MAPRE2: variants seen among roughly 807,000 people sequenced by gnomAD.
MAPRE2 encodes the protein microtubule associated protein RP/EB family member 2, also known as microtubule-associated protein RP/EB family member 2.
A neutral mutation model predicts 43.2 loss-of-function variants in MAPRE2; 13 were observed. The observed-to-expected ratio is 0.30, with a 90% CI of 0.20 to 0.48. The LOEUF is 0.48. Among genes scored for constraint, MAPRE2 ranks in the 20% least tolerant of loss-of-function variants. MAPRE2 has a pLI of 0.99. For missense variants in MAPRE2, 161 were observed against 400.2 expected (o/e 0.40, Z 5.10); for synonymous variants, 135 against 148.8 (o/e 0.91, Z 0.68).
intron 6 of MAPRE2, among the ~76,000 whole-genome samples, chr18:35,136,634 C>T (rs1910403349): frequency 6.6e-6 from 1 of 152,170 alleles, no homozygotes. Context: ...ATGAGCAAAG[C>T]AGAGAAGAAA....
intron 1 of MAPRE2, among the ~76,000 whole-genome samples, chr18:34,997,501 C>T (rs2036205580): frequency 6.6e-6 from 1 of 152,158 alleles, no homozygotes; most frequent in African/African-American, 2.4e-5. Flanking sequence ...CAGAGTGAAC[C>T]TCTAGAAGAA....
intron 2 of MAPRE2, among the ~76,000 whole-genome samples, chr18:35,092,365 G>C (rs768189447): frequency 2.0e-5 from 3 of 152,198 alleles, no homozygotes; most frequent in Non-Finnish European, 4.4e-5. Flanking sequence ...CATAGGGAAA[G>C]GACAGTCTCT....
At chr18:35,136,041 G>A (rs1910378465) in intron 6 of MAPRE2, among the ~76,000 whole-genome samples, 3 of 152,212 alleles carry the variant, frequency 2.0e-5, no homozygotes, top group African/African-American at 7.2e-5. Flanking sequence ...GCCTCTGATT[G>A]TTATATTTAA....
At chr18:35,094,708 T>C (rs963847543) in intron 2 of MAPRE2, among the ~76,000 whole-genome samples, 3 of 152,150 alleles carry the variant, frequency 2.0e-5, no homozygotes, top group African/African-American at 7.2e-5. Flanking sequence ...GCTCAGAAGA[T>C]GGACAGGAAC....
chr18:35,018,735 G>T (rs532782903), intron 2 of MAPRE2, among the ~76,000 whole-genome samples: 4 of 151,778 alleles, frequency 2.6e-5, no homozygotes, highest in African/African-American at 9.6e-5. Context: ...AATATAGCTA[G>T]CAGCTATTGA....
chr18:35,117,927 C>T (rs976316914), intron 4 of MAPRE2, among the ~76,000 whole-genome samples: 3 of 152,110 alleles, frequency 2.0e-5, no homozygotes, highest in African/African-American at 2.4e-5. Context: ...AGATGCAGAA[C>T]GCTTTCCTGC....
In MAPRE2 at chr18:34,980,117, C is replaced by A. The variant is rs931379649; in HGVS notation, c.-70+3038C>A. ...TTTCGGCTCACTGCAACCTCCGCCT[C>A]CAAGTTCAAGCGATTCTCCTGCCTC... On this transcript the variant is annotated intron_variant, in intron 1 of 7. Coordinates refer to the MAPRE2 transcript ENST00000413393. Among the ~76,000 whole-genome samples, 6 of 148,462 alleles carry A rather than the reference C, an allele frequency of 4.0e-5. No homozygotes were observed. The Admixed American group carries it at 4.1e-4, about 10-fold the overall frequency.
chr18:35,061,244 C>T (rs993505502), intron 1 of MAPRE2, among the ~76,000 whole-genome samples: 1 of 152,216 alleles, frequency 6.6e-6, no homozygotes, highest in African/African-American at 2.4e-5. Flanking sequence ...CCTGATAAAA[C>T]TCACATTTAT....
At chr18:35,107,645 G>A (rs1479909188) in intron 4 of MAPRE2, among the ~76,000 whole-genome samples, 4 of 152,040 alleles carry the variant, frequency 2.6e-5, no homozygotes, top group Non-Finnish European at 2.9e-5. Context: ...TTTGGTCAGC[G>A]GACCACATGC....
chr18:35,001,387 G>C (rs953405328), intron 1 of MAPRE2, among the ~76,000 whole-genome samples: 20 of 152,110 alleles, frequency 1.3e-4, no homozygotes, highest in Non-Finnish European at 2.9e-5. Context: ...GGTGGCACAT[G>C]CCTGTAATCC....
At chr18:35,085,563 C>T (rs1303922206) in intron 2 of MAPRE2, among the ~76,000 whole-genome samples, 1 of 152,132 alleles carries the variant, frequency 6.6e-6, no homozygotes, top group Non-Finnish European at 1.5e-5. Flanking sequence ...AATATTCCAC[C>T]AGAGGCAGCA....
intron 1 of MAPRE2, among the ~76,000 whole-genome samples, chr18:34,983,544 A>T (rs1195555006): frequency 6.6e-6 from 1 of 152,214 alleles, no homozygotes; most frequent in African/African-American, 2.4e-5. Context: ...GAAACTTTTT[A>T]TTCACTGTCA....
At chr18:35,095,150 A>G (rs985087498) in intron 2 of MAPRE2, among the ~76,000 whole-genome samples, 3 of 152,180 alleles carry the variant, frequency 2.0e-5, no homozygotes, top group African/African-American at 7.2e-5. Flanking sequence ...TGAGACCATA[A>G]AAGTACTTGA....
At position 35,041,510 on chromosome 18, in the gene MAPRE2, C is replaced by A. The variant is rs750723519; in HGVS notation, c.-30C>A. On this transcript the variant is annotated 5_prime_UTR_variant, in exon 1 of 7. Transcript: ENST00000300249. ...ACCTTCCTCACCAGCCAGCCCACAG[C>A]GGTTTGTTCCCCTTCTCGGGAGTGC... is the stretch of plus-strand genomic sequence containing the variant. 5 of 1,613,904 alleles carry A rather than the reference C, an allele frequency of 3.1e-6. No homozygotes were observed. Among genetic ancestry groups the A allele is most frequent in the Non-Finnish European group, 3.4e-6 (4 of 1,180,006 alleles).
intron 2 of MAPRE2, among the ~76,000 whole-genome samples, chr18:35,096,818 ATACT>A (rs746236623): frequency 1.7e-4 from 25 of 148,716 alleles, no homozygotes; most frequent in Non-Finnish European, 2.5e-4. Flanking sequence ...TTAATAAGTA[ATACT>A]TAATAAGTAA....
intron 1 of MAPRE2, chr18:34,988,542 T>TA (rs1441934960): frequency 2.6e-5 from 4 of 152,354 alleles, no homozygotes; most frequent in Non-Finnish European, 4.4e-5. Context: ...TTTATGACTG[T>TA]AGGACGTACA....
chr18:35,004,117 G>A (rs1449259283), intron 1 of MAPRE2, among the ~76,000 whole-genome samples: 3 of 151,712 alleles, frequency 2.0e-5, no homozygotes, highest in Non-Finnish European at 4.4e-5. Flanking sequence ...CTTGACTCTT[G>A]CCATTTTGTT....
intron 2 of MAPRE2, among the ~76,000 whole-genome samples, chr18:35,009,938 G>C (rs1423413349): frequency 6.6e-6 from 1 of 152,068 alleles, no homozygotes; most frequent in East Asian, 1.9e-4. Flanking sequence ...CTTGTTCTAT[G>C]GTCACTGCTT....
chr18:35,089,230 G>C (rs181411745), intron 2 of MAPRE2, among the ~76,000 whole-genome samples: 1 of 152,070 alleles, frequency 6.6e-6, no homozygotes, highest in Non-Finnish European at 1.5e-5. Flanking sequence ...GGTATAAATC[G>C]TCATGACCTT....
Sources: allele counts gnomAD v4.1 joint callset (sites outside exome capture counted in the v4.1 genomes callset), GRCh38; gene constraint gnomAD v4.1.1; transcripts MANE v1.5; gene names NCBI Gene and HGNC (gene_info 2026-07-23, HGNC 2026-07-21).